Variants in ZNF718 observed in about 807,000 individuals in gnomAD.
ZNF718 encodes the protein zinc finger protein 718.
ZNF718 carries 3 observed loss-of-function variants against 2.6 expected under a neutral mutation model. The ratio of observed to expected loss-of-function variants is 1.16; its 90% CI spans 0.53 to 3.01. ZNF718 has a LOEUF of 3.01. ZNF718 is among the 30% of genes most tolerant of loss of function. The pLI is 0.03. For missense variants in ZNF718, 468 were observed against 230.0 expected (o/e 2.03, Z -6.69); for synonymous variants, 135 against 77.9 (o/e 1.73, Z -3.86).
chr4:171,555 C>T (rs79428674), intron 3 of ZNF718, among the ~76,000 whole-genome samples: 1 of 152,094 alleles, frequency 6.6e-6, no homozygotes, highest in Non-Finnish European at 1.5e-5. Context: ...GGGCGCCCCT[C>T]CCCCAGCCTC....
intron 1 of ZNF718, among the ~76,000 whole-genome samples, chr4:125,992 T>G (rs1553807936): frequency 6.6e-6 from 1 of 152,360 alleles, no homozygotes; most frequent in African/African-American, 2.4e-5. Context: ...TATGCCTTTA[T>G]GGACTCAGGA....
chr4:155,038 G>A (rs1347740354), intron 3 of ZNF718, among the ~76,000 whole-genome samples: 2 of 152,232 alleles, frequency 1.3e-5, no homozygotes, highest in Non-Finnish European at 2.9e-5. Context: ...CTTGGCTTCA[G>A]AGGGTCCAAG....
intron 1 of ZNF718, among the ~76,000 whole-genome samples, chr4:125,528 T>G (rs1560106497): frequency 6.6e-6 from 1 of 152,104 alleles, no homozygotes; most frequent in Non-Finnish European, 1.5e-5. Context: ...TTGAGGAAAC[T>G]CCGCAAGTTT....
intron 3 of ZNF718, among the ~76,000 whole-genome samples, chr4:143,641 C>A (rs953851710): frequency 2.8e-4 from 42 of 152,108 alleles, no homozygotes; most frequent in African/African-American, 9.7e-4. Context: ...TTTTCTCCTG[C>A]AAATCTCTGT....
At chr4:195,831 T>C (rs1319866156) in intron 3 of ZNF718, among the ~76,000 whole-genome samples, 2 of 152,124 alleles carry the variant, frequency 1.3e-5, no homozygotes. Context: ...TATTGGAGGG[T>C]TATAGGGTCA....
chr4:174,303 AT>A (rs1717305761), intron 3 of ZNF718, among the ~76,000 whole-genome samples: 1 of 152,108 alleles, frequency 6.6e-6, no homozygotes, highest in African/African-American at 2.4e-5. Flanking sequence ...CTTATTCCAA[AT>A]TTGTCTAACA....
intron 1 of ZNF718, among the ~76,000 whole-genome samples, chr4:129,486 C>T (rs1715302692): frequency 9.6e-6 from 1 of 104,340 alleles, no homozygotes; most frequent in South Asian, 3.0e-4. Flanking sequence ...GTGGCTACCC[C>T]TACTGCCTCT....
chr4:172,296 T>A (rs781887942), intron 3 of ZNF718, among the ~76,000 whole-genome samples: 3 of 152,230 alleles, frequency 2.0e-5, no homozygotes, highest in African/African-American at 4.8e-5. Context: ...ATGACAAGAT[T>A]TTTTCTCTTT....
intron 3 of ZNF718, among the ~76,000 whole-genome samples, chr4:187,019 C>T (rs1391545077): frequency 6.6e-6 from 1 of 152,232 alleles, no homozygotes; most frequent in East Asian, 1.9e-4. Context: ...GTTTGTGCCA[C>T]TTCTTATCTT....
intron 3 of ZNF718, among the ~76,000 whole-genome samples, chr4:186,846 A>G (rs1204577975): frequency 3.9e-5 from 6 of 152,156 alleles, no homozygotes; most frequent in Admixed American, 6.5e-5. Flanking sequence ...CTGGGTTACA[A>G]TGTGCCCCTT....
intron 3 of ZNF718, among the ~76,000 whole-genome samples, chr4:181,759 A>G (rs1485521616): frequency 6.6e-6 from 1 of 152,126 alleles, no homozygotes; most frequent in African/African-American, 2.4e-5. Flanking sequence ...CAGATCATAC[A>G]GTCACCCAGG....
At position 162,167 on chromosome 4, in the gene ZNF718, C is replaced by T. The variant is rs550697939; in HGVS notation, c.*45C>T. 7.6e-5 allele frequency: 49 copies of T among 648,872 alleles called. 1 individual carries two copies. In the Admixed American group the frequency reaches 1.1e-3, roughly 15 times the overall value. The allele number at this position is 648,872 out of a possible 1,614,324, so 40.2% of individuals were successfully genotyped here. A position where few individuals can be genotyped will look rare whatever the true frequency, so the allele number is the denominator to read the frequency against. On this transcript the variant is annotated 3_prime_UTR_variant, in exon 4 of 4. Coordinates refer to ENST00000510175, the MANE Select transcript of ZNF718 (RefSeq NM_001039127.6). The stretch of plus-strand genomic sequence containing the variant: ...GCCTTTAAGTCTTCCTCAGTCTTTT[C>T]TAATCATAATTCATACTGGAGAGAA...
At chr4:173,805 T>C (rs1717292281) in intron 3 of ZNF718, among the ~76,000 whole-genome samples, 1 of 152,130 alleles carries the variant, frequency 6.6e-6, no homozygotes, top group Non-Finnish European at 1.5e-5. Flanking sequence ...AGAATTTGGC[T>C]GAGCGAGGGA....
intron 3 of ZNF718, among the ~76,000 whole-genome samples, chr4:190,866 C>T (rs886835166): frequency 6.6e-6 from 1 of 151,842 alleles, no homozygotes; most frequent in Non-Finnish European, 1.5e-5. Context: ...TAGGGAAACC[C>T]CGTCTCTACT....
At chr4:169,225 A>G (rs1250955178) in intron 3 of ZNF718, among the ~76,000 whole-genome samples, 2 of 152,042 alleles carry the variant, frequency 1.3e-5, no homozygotes, top group African/African-American at 4.8e-5. Context: ...AGACAGTGTT[A>G]TAATTTCTGT....
At chr4:153,278 A>T (rs1716416267) in intron 3 of ZNF718, among the ~76,000 whole-genome samples, 1 of 152,008 alleles carries the variant, frequency 6.6e-6, no homozygotes, top group African/African-American at 2.4e-5. Flanking sequence ...TCATCTGTCT[A>T]TTTTTATGCC....
At chr4:188,130 C>A (rs1717607332) in intron 3 of ZNF718, among the ~76,000 whole-genome samples, 1 of 152,178 alleles carries the variant, frequency 6.6e-6, no homozygotes, top group Non-Finnish European at 1.5e-5. Context: ...AAGGTAGCAG[C>A]CCATCTTCCC....
chr4:160,794 GC>G (rs1716787811), intron 3 of ZNF718, 117 bp from the exon 4 acceptor site: 1 of 622,588 alleles, frequency 1.6e-6, no homozygotes, highest in Admixed American at 2.7e-5. Flanking sequence ...CTCATTATTT[GC>G]CCACCTTGGC....
At chr4:169,824 A>T (rs1717179884) in intron 3 of ZNF718, among the ~76,000 whole-genome samples, 1 of 152,076 alleles carries the variant, frequency 6.6e-6, no homozygotes, top group South Asian at 2.1e-4. Context: ...GTGTCTTTTA[A>T]TTGGAGTATT....
Sources: allele counts gnomAD v4.1 joint callset (sites outside exome capture counted in the v4.1 genomes callset), GRCh38; gene constraint gnomAD v4.1.1; transcripts MANE v1.5; gene names NCBI Gene and HGNC (gene_info 2026-07-23, HGNC 2026-07-21).